GRIK4: variants seen among roughly 807,000 people sequenced by gnomAD.
The protein encoded by GRIK4 is glutamate receptor ionotropic, kainate 4.
In GRIK4, 40 loss-of-function variants were observed where a neutral mutation model predicts 104.9. That is an observed-to-expected ratio of 0.38 (90% CI 0.30 to 0.50). The LOEUF is 0.50. Ranked by LOEUF, GRIK4 falls within the 20% of genes least tolerant of loss-of-function variation. The pLI, the probability that GRIK4 is intolerant of heterozygous loss-of-function variation, is 0.93. For missense variants in GRIK4, 1,047 were observed against 1,308.1 expected, an observed-to-expected ratio of 0.80 and a Z score of 3.08; for synonymous variants, 485 against 524.9, an observed-to-expected ratio of 0.92 and a Z score of 1.04.
At chr11:120,643,232 A>C (rs1949493007) in intron 1 of GRIK4, among the ~76,000 whole-genome samples, 1 of 152,230 alleles carries the variant, frequency 6.6e-6, no homozygotes, top group South Asian at 2.1e-4. Context: ...AGTGCTATGG[A>C]AAAAAGAAAA....
chr11:120,917,269 A>AG (rs1555093242), intron 13 of GRIK4, among the ~76,000 whole-genome samples: 39 of 138,350 alleles, frequency 2.8e-4, no homozygotes, highest in South Asian at 8.6e-4. Flanking sequence ...AAAAAAAAAA[A>AG]AAAGAAAGAA....
intron 1 of GRIK4, among the ~76,000 whole-genome samples, chr11:120,533,735 G>T (rs1162820227): frequency 6.6e-6 from 1 of 152,126 alleles, no homozygotes; most frequent in East Asian, 1.9e-4. Context: ...AAACTTACCC[G>T]GGTGTGGTAG....
intron 1 of GRIK4, among the ~76,000 whole-genome samples, chr11:120,623,373 T>A (rs988436183): frequency 3.3e-5 from 5 of 152,110 alleles, no homozygotes; most frequent in Non-Finnish European, 5.9e-5. Context: ...GCTCAAGTGA[T>A]CCTCCCGCCT....
At chr11:120,970,205 C>T (rs536839066) in intron 19 of GRIK4, among the ~76,000 whole-genome samples, 27 of 152,272 alleles carry the variant, frequency 1.8e-4, no homozygotes, top group African/African-American at 5.1e-4. Flanking sequence ...AGGAGCTGTC[C>T]GCTCACACTC....
intron 1 of GRIK4, among the ~76,000 whole-genome samples, chr11:120,638,830 T>G (rs548963892): frequency 4.6e-5 from 7 of 152,094 alleles, no homozygotes; most frequent in Admixed American, 4.6e-4. Flanking sequence ...TTTTCAGGGA[T>G]TAGAACTATT....
rs1314001678 is a variant in GRIK4 at position 120,967,726 on chromosome 11, G to A, written c.2395+403G>A. Among the ~76,000 whole-genome samples, 1 of 152,014 alleles carries A rather than the reference G, an allele frequency of 6.6e-6. No homozygotes were observed. ...TGATCCTTTTTAAAAATGCAAACTC[G>A]ATGGCAGCATTCCCCCCACAAACCT... On this transcript the variant is annotated intron_variant, in intron 19 of 20. Transcript: ENST00000527524. This position sits in a 1 kb window ranked among gnomAD's most constrained non-coding sequence, Gnocchi z 4.2.
At chr11:120,904,423 C>T (rs916741742) in intron 12 of GRIK4, among the ~76,000 whole-genome samples, 2 of 152,238 alleles carry the variant, frequency 1.3e-5, no homozygotes, top group Admixed American at 6.5e-5. Flanking sequence ...TTCTGGCTTT[C>T]TCCAATCCAA....
chr11:120,816,610 A>G (rs962156522), intron 5 of GRIK4, among the ~76,000 whole-genome samples: 14 of 151,926 alleles, frequency 9.2e-5, no homozygotes, highest in African/African-American at 3.4e-4. Context: ...TGCCCACCCC[A>G]TGCCTGCTGG....
chr11:120,847,457 G>A lies in GRIK4; in HGVS notation c.744+10613G>A, dbSNP rs7109695. 6.0e-3 allele frequency among the ~76,000 whole-genome samples: 907 copies of A among 152,322 alleles called. 12 individuals carry two copies. The highest frequency in any genetic ancestry group is 0.021 in the African/African-American group (860 of 41,578). ...CCATCAAAGGAAGGCCTCCAGACTA[G>A]CCTGGCAGGTTCATCAAAAGCTTCC... On this transcript the variant is annotated intron_variant, in intron 8 of 20. Coordinates refer to ENST00000527524, the MANE Select transcript of GRIK4 (RefSeq NM_014619.5).
intron 1 of GRIK4, among the ~76,000 whole-genome samples, chr11:120,620,904 T>A (rs1038128210): frequency 2.0e-5 from 3 of 152,204 alleles, no homozygotes; most frequent in African/African-American, 7.2e-5. Flanking sequence ...GAAGTAGATA[T>A]CATTACCCGC....
At chr11:120,610,189 C>T (rs1479836202) in intron 1 of GRIK4, among the ~76,000 whole-genome samples, 1 of 152,202 alleles carries the variant, frequency 6.6e-6, no homozygotes, top group East Asian at 1.9e-4. Flanking sequence ...GATCCGTGAG[C>T]CTTCCACAGG....
chr11:120,651,761 G>A (rs1010487225), intron 1 of GRIK4, among the ~76,000 whole-genome samples: 1 of 152,162 alleles, frequency 6.6e-6, no homozygotes, highest in South Asian at 2.1e-4. Context: ...AATTCCTAAA[G>A]GCCAGGGACA....
chr11:120,515,470 G>A (rs1947714116), intron 1 of GRIK4, among the ~76,000 whole-genome samples: 1 of 152,174 alleles, frequency 6.6e-6, no homozygotes, highest in East Asian at 1.9e-4. Flanking sequence ...CAGTGTGAAG[G>A]GCACCTGCAT....
chr11:120,940,835 C>T lies in GRIK4; in HGVS notation c.1590+375C>T, dbSNP rs1471132077. 6.6e-6 allele frequency among the ~76,000 whole-genome samples: 1 copy of T among 152,212 alleles called. No individual in the cohort carries two copies. Among genetic ancestry groups the T allele is most frequent in the East Asian group, 1.9e-4 (1 of 5,198 alleles). ...TTGCCAACTTCCAAGTCTGTGTTCACTTCTAGTGTTGCATTTGGCGAGGGA... is the reference window on the plus strand; with the variant it reads ...TTGCCAACTTCCAAGTCTGTGTTCATTTCTAGTGTTGCATTTGGCGAGGGA... On this transcript the variant is annotated intron_variant, in intron 14 of 20. Transcript: ENST00000527524. The surrounding 1 kb of genome is among the most constrained non-coding windows in gnomAD (Gnocchi z 4.3).
At chr11:120,716,526 G>C (rs1950838320) in intron 3 of GRIK4, among the ~76,000 whole-genome samples, 1 of 152,188 alleles carries the variant, frequency 6.6e-6, no homozygotes, top group African/African-American at 2.4e-5. Context: ...TTAGAGGTGT[G>C]AGCCACTACG....
intron 1 of GRIK4, among the ~76,000 whole-genome samples, chr11:120,609,975 C>T (rs150138750): frequency 1.3e-5 from 2 of 152,332 alleles, no homozygotes; most frequent in African/African-American, 4.8e-5. Flanking sequence ...CCAGTCCTCT[C>T]ATTTATGAAA....
intron 1 of GRIK4, among the ~76,000 whole-genome samples, chr11:120,537,257 GTCC>G (rs1037518536): frequency 1.3e-5 from 2 of 152,100 alleles, no homozygotes; most frequent in Admixed American, 6.6e-5. Context: ...TGGTTGCATC[GTCC>G]TCTCTTGACC....
At chr11:120,637,416 C>A (rs1949412701) in intron 1 of GRIK4, among the ~76,000 whole-genome samples, 1 of 152,166 alleles carries the variant, frequency 6.6e-6, no homozygotes, top group South Asian at 2.1e-4. Flanking sequence ...TTTCTGGTCT[C>A]TCCGGCTGAG....
At chr11:120,681,651 G>T (rs1305110626) in intron 3 of GRIK4, among the ~76,000 whole-genome samples, 1 of 152,244 alleles carries the variant, frequency 6.6e-6, no homozygotes, top group Admixed American at 6.5e-5. Flanking sequence ...TGAGAACAGA[G>T]AACAGCGGCG....
Sources: gnomAD v4.1 joint callset for allele counts (sites outside exome capture counted in the v4.1 genomes callset) on GRCh38, gnomAD v4.1.1 for gene constraint, Gnocchi (gnomAD v3.1) non-coding constraint, MANE v1.5 for transcripts, NCBI Gene and HGNC (gene_info 2026-07-23, HGNC 2026-07-21) for gene names.